ARRDC2: variants seen among roughly 807,000 people sequenced by gnomAD.
ARRDC2 encodes arrestin domain-containing protein 2.
Under a neutral mutation model 38.9 loss-of-function variants are expected in ARRDC2, and 39 were observed. That is an observed-to-expected ratio of 1.00 (90% confidence interval 0.78 to 1.31). The LOEUF (loss-of-function observed/expected upper bound fraction) is 1.31, where lower values mean the gene tolerates loss of function less well. Among genes scored for constraint, ARRDC2 ranks in the 50% most tolerant of loss-of-function variants. The pLI, the probability that ARRDC2 is intolerant of heterozygous loss-of-function variation, is 0.00. For synonymous variants in ARRDC2, 300 were observed against 261.9 expected (o/e 1.15, Z -1.41); for missense variants, 553 against 588.4 (o/e 0.94, Z 0.62).
chr19:18,009,745 A>G, intron 4 of ARRDC2, 38 bp from the exon 5 acceptor site: 1 of 1,612,768 alleles, frequency 6.2e-7, no homozygotes, highest in Non-Finnish European at 8.5e-7. Context: ...TTGGGGTTGC[A>G]GGAGGGGAAA....
chr19:18,003,335 C>T (rs531236282), upstream of ARRDC2, among the ~76,000 whole-genome samples: 3 of 152,148 alleles, frequency 2.0e-5, no homozygotes, highest in Non-Finnish European at 2.9e-5. Context: ...GGCACGATCT[C>T]GGCTCACTGC....
upstream of ARRDC2, chr19:18,008,161 C>A (rs975387589): frequency 4.3e-6 from 6 of 1,410,378 alleles, no homozygotes; most frequent in Admixed American, 3.7e-5. Context: ...CGCCGACGCA[C>A]GGCGCGGGGA....
Position 18,009,135 on chromosome 19 carries a change from G to C in ARRDC2, c.489+17G>C. ...GCCCTGCTGGTGAGTGGCCACCCTT[G>C]GGGAGGTAGGTTGGGAGTATTGTAG... On this transcript the variant is annotated intron_variant, in intron 3 of 7. Coordinates refer to ENST00000222250, the MANE Select transcript of ARRDC2 (RefSeq NM_015683.2). 6.2e-7 allele frequency: 1 copy of C among 1,612,500 alleles called. No individual in the cohort carries two copies. The highest frequency in any genetic ancestry group is 8.5e-7 in the Non-Finnish European group (1 of 1,179,494).
chr19:18,009,664 G>T lies in ARRDC2; in HGVS notation c.562G>T (p.Ala188Ser). The T allele has an allele frequency of 6.2e-7, 1 of 1,611,242 alleles. No homozygotes were observed. Among genetic ancestry groups the T allele is most frequent in the African/African-American group, 1.3e-5 (1 of 74,980 alleles). The part of the protein sequence containing the change: ...YCNRGLVSLS[A>S]KIDRKGYTPG... ...TAACCGTGGCCTAGTCTCCCTTTCG[G>T]CCAAGATCGACCGCAAGGGCTACAC... is the stretch of plus-strand genomic sequence containing the variant. Residue 188 changes from alanine (A) to serine (S), a missense_variant, in exon 4 of 8, where the codon GCC becomes TCC. Ala to Ser is a moderately conservative substitution (Grantham distance 99, BLOSUM62 1). Transcript: ENST00000222250.
upstream of ARRDC2, among the ~76,000 whole-genome samples, chr19:18,004,728 A>G (rs2033238525): frequency 1.3e-5 from 2 of 149,478 alleles, no homozygotes; most frequent in African/African-American, 4.9e-5. Flanking sequence ...GGCTGGGTGC[A>G]GTGGCTCACA....
chr19:18,010,430 T>A, intron 6 of ARRDC2, 72 bp downstream of exon 6: 1 of 1,563,146 alleles, frequency 6.4e-7, no homozygotes, highest in African/African-American at 1.4e-5. Flanking sequence ...GTCAACTCTC[T>A]CACCACGAGT....
At chr19:18,010,411 G>A in intron 6 of ARRDC2, 53 bp downstream of exon 6, 1 of 1,581,294 alleles carries the variant, frequency 6.3e-7, no homozygotes, top group Non-Finnish European at 8.6e-7. Flanking sequence ...ACGGAGAGGT[G>A]GATGCCGGGT....
upstream of ARRDC2, among the ~76,000 whole-genome samples, chr19:18,005,680 C>G (rs951845962): frequency 6.0e-5 from 9 of 150,568 alleles, no homozygotes; most frequent in South Asian, 1.7e-3. Flanking sequence ...CTGACCCCCC[C>G]ACCTCCCTCC....
upstream of ARRDC2, chr19:18,007,130 G>A (rs1183523861): frequency 2.0e-5 from 3 of 152,464 alleles, no homozygotes. Flanking sequence ...TGGGTTCAGC[G>A]GCAGCGCATT....
At chr19:18,001,351 C>G in exon 1 of ARRDC2, 1 of 1,195,054 alleles carries the variant, frequency 8.4e-7, no homozygotes, top group Non-Finnish European at 1.0e-6. Context: ...CGCGCTGGAG[C>G]TGGCGCGGGG....
intron 3 of ARRDC2, 31 bp from the exon 4 acceptor site, chr19:18,009,561 T>C: frequency 6.5e-7 from 1 of 1,549,222 alleles, no homozygotes; most frequent in Non-Finnish European, 8.8e-7. Context: ...ACAAAGTGAC[T>C]CATCCATGTC....
At chr19:18,008,120 C>CA, upstream of ARRDC2, 19 of 572,688 alleles carry the variant, frequency 3.3e-5, no homozygotes, top group South Asian at 1.0e-4. Context: ...ACGGTGACCC[C>CA]ACCCCCCCCC....
rs1486972865 is a variant in ARRDC2, at chr19:18,008,344, C to A, written c.34C>A (p.Gln12Lys). The change falls in exon 1 of 8, where the codon CAG becomes AAG. Residue 12 changes from glutamine to lysine, a missense_variant. Gln to Lys is a moderately conservative substitution (Grantham distance 53). Coordinates refer to ENST00000222250, the MANE Select transcript of ARRDC2 (RefSeq NM_015683.2). ...LFDKVKAFSV[Q>K]LDGATAGVEP... Reference sequence around the variant, plus strand: ...CGACAAGGTGAAAGCGTTCTCGGTGCAGTTGGACGGCGCGACCGCGGGCGT... The same window carrying A: ...CGACAAGGTGAAAGCGTTCTCGGTGAAGTTGGACGGCGCGACCGCGGGCGT... 6.3e-7 allele frequency: 1 copy of A among 1,597,144 alleles called. No homozygotes were observed. Among genetic ancestry groups the A allele is most frequent in the Middle Eastern group, 1.7e-4 (1 of 6,046 alleles).
rs2033456398 is a variant in ARRDC2 at position 18,013,673 on chromosome 19, C to T, written c.*707C>T. 6.6e-6 allele frequency: 1 copy of T among 152,198 alleles called. No individual in the cohort carries two copies. Among genetic ancestry groups the T allele is most frequent in the South Asian group, 2.1e-4 (1 of 4,830 alleles). The allele number at this position is 152,198 out of a possible 1,614,324, so 9.4% of individuals were successfully genotyped here. Reference sequence around the variant, plus strand: ...TTGAAGACTTTGAAAGCCAGAGATTCCTGGCGCAGGCTTGGACTTCCTGGG... The same window carrying T: ...TTGAAGACTTTGAAAGCCAGAGATTTCTGGCGCAGGCTTGGACTTCCTGGG... On this transcript the variant is annotated 3_prime_UTR_variant, in exon 8 of 8. Transcript: ENST00000222250.
chr19:18,005,050 T>C (rs1403086902), upstream of ARRDC2, among the ~76,000 whole-genome samples: 8 of 151,972 alleles, frequency 5.3e-5, no homozygotes, highest in African/African-American at 1.5e-4. Flanking sequence ...CTTGGGTGTT[T>C]CTTGCAGAGG....
At position 18,008,519 on chromosome 19, in the gene ARRDC2, C is replaced by T. The variant is rs762239829; in HGVS notation, c.209C>T (p.Ala70Val). 1 of 1,541,814 alleles carries T rather than the reference C, an allele frequency of 6.5e-7. No homozygotes were observed. Among genetic ancestry groups the T allele is most frequent in the South Asian group, 1.2e-5 (1 of 85,800 alleles). ...TESRSAGSST[A>V]YTQSYSERVE... The stretch of plus-strand genomic sequence containing the variant: ...TCGCGCAGCGCGGGCTCGAGCACGG[C>T]TTACACGCAGAGCTACAGTGAACGC... The change falls in exon 1 of 8, where the codon GCT becomes GTT. Residue 70 changes from alanine to valine, a missense_variant. Around this residue, in one of 3 missense-constraint regions of ARRDC2, gnomAD observed 447 missense variants for 456.6 expected, o/e 0.98. Transcript: ENST00000222250.
rs372299093 is a variant in ARRDC2 at position 18,010,655 on chromosome 19, G to A, written c.1096G>A (p.Asp366Asn). Reference sequence around the variant, plus strand: ...CCCCTTCCCGCTTCCGCAGGACCCCGACATGAGCCTTGAAGGCCCGTTCTT... The same window carrying A: ...CCCCTTCCCGCTTCCGCAGGACCCCAACATGAGCCTTGAAGGCCCGTTCTT... Reference protein sequence around the residue: ...QSPFPLPQDPDMSLEGPFFAY... With the variant: ...QSPFPLPQDPNMSLEGPFFAY... The change falls in exon 7 of 8, where the codon GAC becomes AAC. Residue 366 changes from aspartate to asparagine, a missense_variant. Asp to Asn is a conservative substitution (Grantham distance 23). Around this residue, in one of 3 missense-constraint regions of ARRDC2, gnomAD observed 100 missense variants for 107.6 expected, o/e 0.93. Coordinates refer to ENST00000222250, the MANE Select transcript of ARRDC2 (RefSeq NM_015683.2). The A allele has an allele frequency of 3.1e-6, 5 of 1,613,684 alleles. No homozygotes were observed. Among genetic ancestry groups the A allele is most frequent in the African/African-American group, 2.7e-5 (2 of 74,908 alleles).
upstream of ARRDC2, chr19:18,007,744 T>A (rs1414838694): frequency 6.1e-6 from 1 of 165,098 alleles, no homozygotes; most frequent in Non-Finnish European, 1.3e-5. Flanking sequence ...GAAACAGGCC[T>A]GGAACAGTCA....
upstream of ARRDC2, among the ~76,000 whole-genome samples, chr19:18,006,202 G>A (rs1433641225): frequency 6.6e-6 from 1 of 151,640 alleles, no homozygotes; most frequent in African/African-American, 2.4e-5. Flanking sequence ...AGGCAGAGAC[G>A]CTCCTCACTT....
Sources: gnomAD v4.1 joint callset for allele counts (sites outside exome capture counted in the v4.1 genomes callset) on GRCh38, gnomAD v4.1.1 for gene constraint, gnomAD v4.1.1 regional missense constraint, MANE v1.5 for transcripts, NCBI Gene and HGNC (gene_info 2026-07-23, HGNC 2026-07-21) for gene names.